SORCS1: variants seen among roughly 807,000 people sequenced by gnomAD.
The protein encoded by SORCS1 is VPS10 domain-containing receptor SorCS1.
Under a neutral mutation model 146.1 loss-of-function variants are expected in SORCS1, and 60 were observed. The observed-to-expected ratio is 0.41, with a 90% CI of 0.33 to 0.51. The LOEUF (loss-of-function observed/expected upper bound fraction) is 0.51. Ranked by LOEUF, SORCS1 falls within the 20% of genes least tolerant of loss-of-function variation. SORCS1 has a pLI of 0.21. For synonymous variants in SORCS1, 637 were observed against 584.0 expected (o/e 1.09, Z -1.31); for missense variants, 1,352 against 1,487.6 (o/e 0.91, Z 1.50).
At chr10:106,902,645 T>A (rs546638338) in intron 2 of SORCS1, among the ~76,000 whole-genome samples, 1 of 152,348 alleles carries the variant, frequency 6.6e-6, no homozygotes, top group East Asian at 1.9e-4. Context: ...TCTTATGGGT[T>A]ACCTTTTTAT....
intron 6 of SORCS1, among the ~76,000 whole-genome samples, chr10:106,714,683 G>A (rs1030438934): frequency 6.6e-6 from 1 of 152,172 alleles, no homozygotes; most frequent in African/African-American, 2.4e-5. Flanking sequence ...AGATATATAT[G>A]AGATGTCAAC....
At chr10:106,722,156 T>TAC (rs1227685303) in intron 6 of SORCS1, among the ~76,000 whole-genome samples, 2 of 93,320 alleles carry the variant, frequency 2.1e-5, no homozygotes, top group African/African-American at 7.6e-5. Context: ...CACATATATA[T>TAC]ATAACAATAA....
At chr10:106,810,953 T>G (rs543031059) in intron 3 of SORCS1, among the ~76,000 whole-genome samples, 3 of 151,864 alleles carry the variant, frequency 2.0e-5, no homozygotes, top group East Asian at 3.9e-4. Context: ...CTTTTTTTTT[T>G]TTTTTGAGAT....
At chr10:106,782,805 C>T (rs749650210) in intron 3 of SORCS1, among the ~76,000 whole-genome samples, 2 of 152,154 alleles carry the variant, frequency 1.3e-5, no homozygotes, top group Non-Finnish European at 2.9e-5. Flanking sequence ...TATATGTCCA[C>T]GTATATATTT....
intron 1 of SORCS1, among the ~76,000 whole-genome samples, chr10:107,023,844 C>A (rs1958264166): frequency 6.6e-6 from 1 of 151,936 alleles, no homozygotes; most frequent in African/African-American, 2.4e-5. Flanking sequence ...ATCAATGTCA[C>A]CTGGAAGGTC....
At chr10:106,649,976 T>G (rs2133752235) in intron 18 of SORCS1, among the ~76,000 whole-genome samples, 1 of 152,322 alleles carries the variant, frequency 6.6e-6, no homozygotes, top group South Asian at 2.1e-4. Flanking sequence ...TGGGGTTCAA[T>G]TTTCCACCTT....
intron 1 of SORCS1, among the ~76,000 whole-genome samples, chr10:106,972,939 T>C (rs1232026178): frequency 6.6e-6 from 1 of 152,168 alleles, no homozygotes. Flanking sequence ...TGGATCTTCT[T>C]GGCTTCTGAT....
At chr10:106,729,924 A>T in intron 6 of SORCS1, 126 bp downstream of exon 6, 2 of 1,172,616 alleles carry the variant, frequency 1.7e-6, no homozygotes, top group East Asian at 2.4e-5. Flanking sequence ...GCAACCCCAA[A>T]TCCTCAGAAA....
intron 23 of SORCS1, among the ~76,000 whole-genome samples, chr10:106,603,142 A>G (rs889390432): frequency 5.9e-5 from 9 of 152,172 alleles, no homozygotes; most frequent in Non-Finnish European, 1.2e-4. Flanking sequence ...ATCACGATAG[A>G]GCATGGCGGT....
chr10:106,878,932 G>A (rs1012266663), intron 2 of SORCS1, among the ~76,000 whole-genome samples: 2 of 151,560 alleles, frequency 1.3e-5, no homozygotes, highest in South Asian at 2.1e-4. Context: ...CGAATCATGA[G>A]GTCAGGAGAT....
At chr10:106,637,151 A>G (rs1848776110) in intron 18 of SORCS1, among the ~76,000 whole-genome samples, 1 of 152,212 alleles carries the variant, frequency 6.6e-6, no homozygotes, top group South Asian at 2.1e-4. Context: ...CTTGTGTGAC[A>G]TTTTATAATA....
intron 2 of SORCS1, among the ~76,000 whole-genome samples, chr10:106,843,671 G>C (rs371836188): frequency 2.6e-5 from 4 of 152,020 alleles, no homozygotes; most frequent in African/African-American, 7.3e-5. Flanking sequence ...TCCTGACCTC[G>C]TGATCTGCCC....
chr10:107,017,185 A>G (rs1957933556), intron 1 of SORCS1, among the ~76,000 whole-genome samples: 1 of 152,232 alleles, frequency 6.6e-6, no homozygotes, highest in African/African-American at 2.4e-5. Flanking sequence ...TTTGAGCCTA[A>G]AAGACATGCA....
chr10:106,991,673 C>T (rs1272631687), intron 1 of SORCS1, among the ~76,000 whole-genome samples: 2 of 152,086 alleles, frequency 1.3e-5, no homozygotes, highest in Non-Finnish European at 2.9e-5. Flanking sequence ...AAAATTATTA[C>T]TCCTGGAGCA....
intron 2 of SORCS1, among the ~76,000 whole-genome samples, chr10:106,840,884 T>C (rs1468345549): frequency 6.8e-6 from 1 of 147,266 alleles, no homozygotes; most frequent in Non-Finnish European, 1.5e-5. Context: ...TTGGATGGAG[T>C]CTTGCTCTGT....
At chr10:106,839,044 C>T (rs923614562) in intron 2 of SORCS1, among the ~76,000 whole-genome samples, 2 of 152,144 alleles carry the variant, frequency 1.3e-5, no homozygotes, top group African/African-American at 4.8e-5. Context: ...TCCTCCCACC[C>T]CTCAGGCCTC....
At chr10:106,771,053 C>T (rs1384361614) in intron 4 of SORCS1, among the ~76,000 whole-genome samples, 1 of 152,200 alleles carries the variant, frequency 6.6e-6, no homozygotes, top group East Asian at 1.9e-4. Flanking sequence ...TCTCCAGCCA[C>T]TCAGCAGCAA....
intron 2 of SORCS1, among the ~76,000 whole-genome samples, chr10:106,952,138 T>C (rs1480542236): frequency 1.3e-5 from 2 of 152,184 alleles, no homozygotes; most frequent in Non-Finnish European, 2.9e-5. Flanking sequence ...GTTAAACCCC[T>C]AACTTTAGTG....
chr10:106,631,041 C>T (rs377019495), intron 18 of SORCS1, among the ~76,000 whole-genome samples: 5 of 152,078 alleles, frequency 3.3e-5, no homozygotes, highest in Non-Finnish European at 5.9e-5. Flanking sequence ...AATGTATTTT[C>T]GATTAAGTAA....
Sources: gnomAD v4.1 joint callset for allele counts (sites outside exome capture counted in the v4.1 genomes callset) on GRCh38, gnomAD v4.1.1 for gene constraint, MANE v1.5 for transcripts, NCBI Gene and HGNC (gene_info 2026-07-23, HGNC 2026-07-21) for gene names.